The following FHIT variants were observed in gnomAD, a reference collection of about 807,000 sequenced individuals.
The protein encoded by FHIT is fragile histidine triad diadenosine triphosphatase, also known as bis(5'-adenosyl)-triphosphatase.
In FHIT, 19 loss-of-function variants were observed where a neutral mutation model predicts 17.9. The observed-to-expected ratio is 1.06, with a 90% CI of 0.74 to 1.56. FHIT has a LOEUF of 1.56. Among genes scored for constraint, FHIT ranks in the 40% most tolerant of loss-of-function variants. The pLI is 0.00. For missense variants in FHIT, 248 were observed against 189.2 expected (o/e 1.31, Z -1.82); for synonymous variants, 81 against 69.7 (o/e 1.16, Z -0.81).
chr3:61,082,702 T>C (rs1575979781), intron 2 of FHIT, among the ~76,000 whole-genome samples: 1 of 152,238 alleles, frequency 6.6e-6, no homozygotes, highest in Admixed American at 6.5e-5. Flanking sequence ...CAACACTTAG[T>C]ATTATCAATC....
chr3:60,925,741 C>T lies in FHIT; in HGVS notation c.-110-103730G>A, dbSNP rs1392610645. Reference sequence around the variant, plus strand: ...ACCTTAAATGTAAATGGGCTAAATGCTCCAGTTAAAAGACACAGACTGGCA... The same window carrying T: ...ACCTTAAATGTAAATGGGCTAAATGTTCCAGTTAAAAGACACAGACTGGCA... On this transcript the variant is annotated intron_variant, in intron 3 of 9. Transcript: ENST00000492590. 3.3e-5 allele frequency among the ~76,000 whole-genome samples: 5 copies of T among 152,128 alleles called. No homozygotes were observed. The East Asian group carries it at 9.6e-4, about 29-fold the overall frequency.
At chr3:60,548,304 G>A (rs1024913273) in intron 4 of FHIT, among the ~76,000 whole-genome samples, 10 of 152,124 alleles carry the variant, frequency 6.6e-5, no homozygotes, top group Non-Finnish European at 1.2e-4. Context: ...CCACATAGCA[G>A]TACTCTGTTA....
At chr3:60,853,874 C>T (rs553147827) in intron 3 of FHIT, among the ~76,000 whole-genome samples, 27 of 152,228 alleles carry the variant, frequency 1.8e-4, no homozygotes, top group Middle Eastern at 3.4e-3. Context: ...CACAAAAACA[C>T]CTGATTTTTC....
intron 5 of FHIT, among the ~76,000 whole-genome samples, chr3:60,282,522 A>G (rs545797356): frequency 5.8e-4 from 89 of 152,310 alleles, no homozygotes; most frequent in Non-Finnish European, 9.1e-4. Flanking sequence ...GTAAAACTCC[A>G]TAGAACCACA....
intron 5 of FHIT, among the ~76,000 whole-genome samples, chr3:60,514,492 G>C (rs1340948078): frequency 1.3e-5 from 2 of 152,178 alleles, no homozygotes; most frequent in African/African-American, 2.4e-5. Flanking sequence ...GGGGCCTGTC[G>C]AGGAGGTGGG....
At chr3:61,053,963 G>A (rs2034122648) in intron 2 of FHIT, among the ~76,000 whole-genome samples, 1 of 152,194 alleles carries the variant, frequency 6.6e-6, no homozygotes, top group South Asian at 2.1e-4. Context: ...TAAAATGCAG[G>A]TAAGCAAGCG....
intron 3 of FHIT, among the ~76,000 whole-genome samples, chr3:61,005,185 C>T (rs1250193725): frequency 6.6e-6 from 1 of 152,120 alleles, no homozygotes; most frequent in African/African-American, 2.4e-5. Context: ...ATAATTATTG[C>T]TTATAATTAG....
At chr3:60,304,544 T>C (rs937953262) in intron 5 of FHIT, among the ~76,000 whole-genome samples, 1 of 152,124 alleles carries the variant, frequency 6.6e-6, no homozygotes, top group African/African-American at 2.4e-5. Context: ...GTGTGTGAGT[T>C]TACATGCTTA....
intron 4 of FHIT, among the ~76,000 whole-genome samples, chr3:60,675,635 T>C (rs148629091): frequency 2.6e-5 from 4 of 152,218 alleles, no homozygotes; most frequent in Admixed American, 6.5e-5. Flanking sequence ...ACCTGATACC[T>C]AAGCAGTAGT....
chr3:60,593,364 A>G (rs1340266216), intron 4 of FHIT, among the ~76,000 whole-genome samples: 1 of 152,112 alleles, frequency 6.6e-6, no homozygotes, highest in Non-Finnish European at 1.5e-5. Flanking sequence ...CTTCTCTATA[A>G]TAATTTTCTC....
In FHIT at chr3:60,812,896, A is replaced by G. The variant is rs527722675; in HGVS notation, c.-18+9023T>C. 2.0e-3 allele frequency among the ~76,000 whole-genome samples: 301 copies of G among 152,288 alleles called. 3 individuals carry two copies. The highest frequency in any genetic ancestry group is 6.9e-3 in the African/African-American group (285 of 41,570). On this transcript the variant is annotated intron_variant, in intron 4 of 9. Transcript: ENST00000492590. ...AACATAGTATGAACCTCTTAGAGCCATAGATTCTTCCACTGGCAAATGGAG... is the reference window on the plus strand; with the variant it reads ...AACATAGTATGAACCTCTTAGAGCCGTAGATTCTTCCACTGGCAAATGGAG...
chr3:60,126,622 A>T (rs562826076), intron 5 of FHIT, among the ~76,000 whole-genome samples: 1 of 152,304 alleles, frequency 6.6e-6, no homozygotes, highest in Non-Finnish European at 1.5e-5. Flanking sequence ...ATGAGTATCA[A>T]CCAACAGAAT....
intron 9 of FHIT, chr3:59,750,145 A>C (rs1700814054): frequency 4.4e-6 from 1 of 226,952 alleles, no homozygotes; most frequent in African/African-American, 2.2e-5. Context: ...GCCTCCAGGC[A>C]AGACAGAAGC....
intron 7 of FHIT, among the ~76,000 whole-genome samples, chr3:59,967,170 G>T (rs1398955430): frequency 6.6e-5 from 10 of 152,112 alleles, no homozygotes; most frequent in Admixed American, 6.6e-4. Context: ...TCACCATGGA[G>T]CCGTCTTCTC....
chr3:60,992,527 T>C (rs951796246), intron 3 of FHIT, among the ~76,000 whole-genome samples: 2 of 152,208 alleles, frequency 1.3e-5, no homozygotes, highest in South Asian at 4.1e-4. Context: ...CCAAAGCTAC[T>C]TCCCGTTTCT....
chr3:60,046,709 C>G (rs771814536), intron 5 of FHIT, among the ~76,000 whole-genome samples: 10 of 152,164 alleles, frequency 6.6e-5, no homozygotes, highest in Non-Finnish European at 1.5e-4. Context: ...GTAATGTTTA[C>G]AGATAGTAGA....
chr3:60,810,173 G>A (rs1701530890), intron 4 of FHIT, among the ~76,000 whole-genome samples: 1 of 152,128 alleles, frequency 6.6e-6, no homozygotes, highest in Non-Finnish European at 1.5e-5. Context: ...AAGAAAATGA[G>A]CCCTTCCCTT....
At chr3:59,928,582 A>G (rs536423632) in intron 7 of FHIT, among the ~76,000 whole-genome samples, 1 of 152,376 alleles carries the variant, frequency 6.6e-6, no homozygotes, top group African/African-American at 2.4e-5. Flanking sequence ...TGGGCAAAGG[A>G]TATGAATAGA....
rs192986081 is a variant in FHIT at position 60,644,356 on chromosome 3, C to T, written c.-17-107377G>A. ...TACAAGCATGTTGAAAAACTGATAC[C>T]GTGAAATATTGAAAATTTGAAATTG... On this transcript the variant is annotated intron_variant, in intron 4 of 9. Coordinates refer to ENST00000492590, the MANE Select transcript of FHIT (RefSeq NM_002012.4). Among the ~76,000 whole-genome samples, 11 of 151,908 alleles carry T rather than the reference C, an allele frequency of 7.2e-5. No homozygotes were observed. In the East Asian group the frequency reaches 1.7e-3, roughly 24 times the overall value.
Sources: allele counts gnomAD v4.1 joint callset (sites outside exome capture counted in the v4.1 genomes callset), GRCh38; gene constraint gnomAD v4.1.1; transcripts MANE v1.5; gene names NCBI Gene and HGNC (gene_info 2026-07-23, HGNC 2026-07-21).